The following SERPINI1 variants were observed in gnomAD, a reference collection of about 807,000 sequenced individuals.
SERPINI1 encodes serpin family I member 1, also known as neuroserpin.
Under a neutral mutation model 41.1 loss-of-function variants are expected in SERPINI1, and 19 were observed. The ratio of observed to expected loss-of-function variants is 0.46; its 90% CI spans 0.32 to 0.68. The LOEUF is 0.68. SERPINI1 is among the 30% of genes least tolerant of loss of function. The pLI is 0.03. For synonymous variants in SERPINI1, 138 were observed against 156.6 expected, an observed-to-expected ratio of 0.88 and a Z score of 0.89; for missense variants, 460 against 479.2, an observed-to-expected ratio of 0.96 and a Z score of 0.37.
chr3:167,823,720 G>A (rs904709514), intron 7 of SERPINI1, among the ~76,000 whole-genome samples: 17 of 151,398 alleles, frequency 1.1e-4, no homozygotes, highest in African/African-American at 2.9e-4. Flanking sequence ...CTGTATTTTC[G>A]TACCCACTAA....
chr3:167,768,066 T>C (rs1560000658), intron 1 of SERPINI1, among the ~76,000 whole-genome samples: 2 of 152,190 alleles, frequency 1.3e-5, no homozygotes, highest in Non-Finnish European at 2.9e-5. Flanking sequence ...TAAAATGCTA[T>C]CAAACAACAT....
chr3:167,742,817 T>TG, intron 1 of SERPINI1, among the ~76,000 whole-genome samples: 2 of 133,852 alleles, frequency 1.5e-5, no homozygotes, highest in South Asian at 4.5e-4. Context: ...TTTGTGCCGT[T>TG]TTGTGTGTGT....
At chr3:167,798,069 A>G (rs1022694545) in intron 5 of SERPINI1, among the ~76,000 whole-genome samples, 2 of 152,186 alleles carry the variant, frequency 1.3e-5, no homozygotes, top group Non-Finnish European at 2.9e-5. Flanking sequence ...AAATTTATTT[A>G]GGAGTATATT....
At chr3:167,810,461 TAA>T in intron 6 of SERPINI1, among the ~76,000 whole-genome samples, 1 of 152,312 alleles carries the variant, frequency 6.6e-6, no homozygotes, top group African/African-American at 2.4e-5. Context: ...CCAGTGCATA[TAA>T]AAGTTATATT....
intron 5 of SERPINI1, among the ~76,000 whole-genome samples, chr3:167,806,287 T>G (rs1711633559): frequency 6.6e-6 from 1 of 151,760 alleles, no homozygotes; most frequent in Non-Finnish European, 1.5e-5. Context: ...ACATGTAGAC[T>G]TAGGGAGGGG....
intron 6 of SERPINI1, among the ~76,000 whole-genome samples, chr3:167,816,077 C>T (rs1712077359): frequency 6.6e-6 from 1 of 152,036 alleles, no homozygotes; most frequent in Non-Finnish European, 1.5e-5. Flanking sequence ...AGGGTCTCAC[C>T]CTGTGTCCAG....
intron 1 of SERPINI1, among the ~76,000 whole-genome samples, chr3:167,748,986 A>G (rs1005334446): frequency 6.6e-6 from 1 of 152,144 alleles, no homozygotes; most frequent in African/African-American, 2.4e-5. Flanking sequence ...AGAAAGAATA[A>G]TTGTAATAAT....
At chr3:167,769,723 G>A (rs925787250) in intron 1 of SERPINI1, among the ~76,000 whole-genome samples, 7 of 151,990 alleles carry the variant, frequency 4.6e-5, no homozygotes, top group African/African-American at 1.7e-4. Context: ...TTATCAGTCT[G>A]TTAAGTGACT....
intron 6 of SERPINI1, among the ~76,000 whole-genome samples, chr3:167,822,773 A>G (rs720958): frequency 0.19 from 29,366 of 152,002 alleles, 3,747 homozygotes; most frequent in African/African-American, 0.36. Flanking sequence ...ACCAATAAAA[A>G]CAGAAAAGAA....
intron 1 of SERPINI1, among the ~76,000 whole-genome samples, chr3:167,765,095 A>G (rs1726515829): frequency 6.6e-6 from 1 of 152,160 alleles, no homozygotes; most frequent in East Asian, 1.9e-4. Context: ...CTATCAGTGC[A>G]TCTACCATTC....
intron 4 of SERPINI1, among the ~76,000 whole-genome samples, chr3:167,793,592 A>ATTTTTTTTTTT (rs1407073250): frequency 1.9e-5 from 2 of 103,464 alleles, no homozygotes; most frequent in African/African-American, 8.7e-5. Context: ...ATATATATAT[A>ATTTTTTTTTTT]TATATTTTTA....
chr3:167,797,325 C>T (rs548973694), intron 5 of SERPINI1, among the ~76,000 whole-genome samples: 2 of 152,148 alleles, frequency 1.3e-5, no homozygotes, highest in Non-Finnish European at 2.9e-5. Context: ...AGTTTCATTG[C>T]TGCGCAGAAG....
intron 6 of SERPINI1, among the ~76,000 whole-genome samples, chr3:167,813,482 T>G (rs1449297247): frequency 6.6e-6 from 1 of 152,158 alleles, no homozygotes; most frequent in African/African-American, 2.4e-5. Context: ...AAAGTTTCTC[T>G]CACTTTACAA....
At chr3:167,823,548 A>G (rs79132485) in intron 7 of SERPINI1, among the ~76,000 whole-genome samples, 2 of 152,216 alleles carry the variant, frequency 1.3e-5, no homozygotes, top group Non-Finnish European at 2.9e-5. Flanking sequence ...CATAATAATG[A>G]CATCAGGGTA....
At chr3:167,737,090 G>A (rs1235669264) in intron 1 of SERPINI1, among the ~76,000 whole-genome samples, 1 of 151,634 alleles carries the variant, frequency 6.6e-6, no homozygotes, top group African/African-American at 2.4e-5. Flanking sequence ...GAGTTCTCGG[G>A]ATTTTAAATT....
rs1025725916 is a variant in SERPINI1 at position 167,744,827 on chromosome 3, A to T, written c.-19+9004A>T. Among the ~76,000 whole-genome samples, 25 of 123,320 alleles carry T rather than the reference A, an allele frequency of 2.0e-4. 1 individual carries two copies. The highest frequency in any genetic ancestry group is 2.3e-4 in the South Asian group (1 of 4,400). 80.9% of individuals were successfully genotyped at this position (123,320 alleles called of 152,430 possible). On this transcript the variant is annotated intron_variant, in intron 1 of 8. Coordinates refer to ENST00000446050, the MANE Select transcript of SERPINI1 (RefSeq NM_001122752.2). ...AATATATAAATATAGTTATATATAT[A>T]ATATATATATTATATATAACTATAG...
chr3:167,748,992 A>G (rs544885332), intron 1 of SERPINI1, among the ~76,000 whole-genome samples: 17 of 152,290 alleles, frequency 1.1e-4, no homozygotes, highest in African/African-American at 3.4e-4. Context: ...AATAATTGTA[A>G]TAATTCAAAA....
chr3:167,756,242 C>T (rs1449663459), intron 1 of SERPINI1, among the ~76,000 whole-genome samples: 4 of 152,074 alleles, frequency 2.6e-5, no homozygotes. Context: ...CCAGGCCTTC[C>T]AAGAAGTTTT....
intron 5 of SERPINI1, among the ~76,000 whole-genome samples, chr3:167,802,762 C>G (rs377068363): frequency 0.32 from 43,741 of 138,618 alleles, 6,184 homozygotes; most frequent in African/African-American, 0.49. Context: ...TTTGACCCAG[C>G]CATCCCATTA....
Sources: gnomAD v4.1 joint callset for allele counts (sites outside exome capture counted in the v4.1 genomes callset) on GRCh38, gnomAD v4.1.1 for gene constraint, MANE v1.5 for transcripts, NCBI Gene and HGNC (gene_info 2026-07-23, HGNC 2026-07-21) for gene names.